Variants in MTOR observed in about 807,000 individuals in gnomAD.
MTOR encodes the protein mechanistic target of rapamycin kinase, also known as serine/threonine-protein kinase mTOR.
A neutral mutation model predicts 319.8 loss-of-function variants in MTOR; 70 were observed. The ratio of observed to expected loss-of-function variants is 0.22; its 90% CI spans 0.18 to 0.27. The LOEUF (loss-of-function observed/expected upper bound fraction) is 0.27. Among genes scored for constraint, MTOR ranks in the 10% least tolerant of loss-of-function variants. The pLI, the probability that MTOR is intolerant of heterozygous loss-of-function variation, is 1.00. For synonymous variants in MTOR, 1,183 were observed against 1,211.4 expected (o/e 0.98, Z 0.49); for missense variants, 1,890 against 3,274.4 (o/e 0.58, Z 10.32).
chr1:11,183,799 A>C (rs1645231186), intron 28 of MTOR, among the ~76,000 whole-genome samples: 1 of 152,094 alleles, frequency 6.6e-6, no homozygotes, highest in South Asian at 2.1e-4. Flanking sequence ...CTTTTCTTTC[A>C]GAAAAAGGAT....
chr1:11,160,446 T>C (rs1644444028), intron 29 of MTOR, among the ~76,000 whole-genome samples: 1 of 152,144 alleles, frequency 6.6e-6, no homozygotes, highest in African/African-American at 2.4e-5. Flanking sequence ...TCTTCCTAAG[T>C]ATCTAATGAG....
At position 11,248,111 on chromosome 1, in the gene MTOR, G is replaced by A. The variant is rs1557483424; in HGVS notation, c.841-17C>T. 3 of 1,555,824 alleles carry A rather than the reference G, an allele frequency of 1.9e-6. No homozygotes were observed. Among genetic ancestry groups the A allele is most frequent in the Non-Finnish European group, 2.6e-6 (3 of 1,148,854 alleles). On this transcript the variant is annotated splice_polypyrimidine_tract_variant and intron_variant, in intron 6 of 57. Transcript: ENST00000361445. ...TCTCAGACGCTATATATATGAGGAG[G>A]AAAAAAATCATCTTTACTTATGACT...
intron 19 of MTOR, among the ~76,000 whole-genome samples, chr1:11,221,147 A>C (rs867141515): frequency 6.6e-6 from 1 of 152,014 alleles, no homozygotes; most frequent in Middle Eastern, 3.4e-3. Context: ...GGCATGCACC[A>C]CCATGCCCGG....
chr1:11,150,638 A>G (rs1571001050), intron 30 of MTOR, among the ~76,000 whole-genome samples: 1 of 152,238 alleles, frequency 6.6e-6, no homozygotes, highest in East Asian at 1.9e-4. Context: ...GGCTCCTAAA[A>G]GTATTATACC....
At chr1:11,221,561 T>C (rs1425259142) in intron 19 of MTOR, among the ~76,000 whole-genome samples, 1 of 151,652 alleles carries the variant, frequency 6.6e-6, no homozygotes. Flanking sequence ...TGAAATATAC[T>C]TGATACGCTT....
intron 45 of MTOR, 39 bp downstream of exon 45, chr1:11,126,971 T>C (rs1642868907): frequency 2.5e-6 from 4 of 1,611,832 alleles, no homozygotes; most frequent in Non-Finnish European, 3.4e-6. Context: ...GAAAGGACTA[T>C]AATGACAGTT....
chr1:11,248,133 G>T, intron 6 of MTOR, 39 bp from the exon 7 acceptor site: 1 of 1,538,938 alleles, frequency 6.5e-7, no homozygotes, highest in South Asian at 1.2e-5. Flanking sequence ...CTTTACTTAT[G>T]ACTGGCATTC....
In MTOR at chr1:11,210,901, T is replaced by G. The variant is rs754854630; in HGVS notation, c.3567A>C (p.Gln1189His). The G allele has an allele frequency of 1.2e-6, 2 of 1,611,280 alleles. No individual in the cohort carries two copies. The highest frequency in any genetic ancestry group is 3.3e-5 in the Admixed American group (2 of 59,894). ...CTTTATTCACCATTGGAATGAAAAT[T>G]TGGTACTAAAACAGGAGGGGGAAGA... ...SLVFQLGKKY[Q>H]IFIPMVNKVL... The change falls in exon 24 of 58, where the codon CAA becomes CAC. Residue 1189 changes from glutamine (Q) to histidine (H), a missense_variant. Physicochemically the swap from Gln to His is conservative, Grantham distance 24 (BLOSUM62 0). Transcript: ENST00000361445.
chr1:11,132,276 T>C (rs1643198227), intron 38 of MTOR: 1 of 152,252 alleles, frequency 6.6e-6, no homozygotes, highest in African/African-American at 2.4e-5. Flanking sequence ...ATTTTCCAGC[T>C]TTGGACATGC....
At chr1:11,112,828 G>A (rs774035796) in intron 54 of MTOR, 24 bp downstream of exon 54, 2 of 1,613,618 alleles carry the variant, frequency 1.2e-6, no homozygotes, top group South Asian at 2.2e-5. Flanking sequence ...GAGAGCCTTT[G>A]CGACCTCCCG....
intron 14 of MTOR, among the ~76,000 whole-genome samples, chr1:11,233,699 T>A (rs1353677401): frequency 6.6e-6 from 1 of 152,234 alleles, no homozygotes; most frequent in African/African-American, 2.4e-5. Flanking sequence ...GGAAGCACCA[T>A]AATGTGAAAG....
chr1:11,139,188 T>C, intron 36 of MTOR, 116 bp downstream of exon 36: 1 of 1,367,270 alleles, frequency 7.3e-7, no homozygotes. Context: ...CTCCCTGACA[T>C]TGTGAGTAGG....
Position 11,126,773 on chromosome 1 carries a change from A to G in MTOR, c.6375T>C (p.Tyr2125=). The G allele has an allele frequency of 6.2e-7, 1 of 1,614,166 alleles. No individual in the cohort carries two copies. The highest frequency in any genetic ancestry group is 8.5e-7 in the Non-Finnish European group (1 of 1,180,018). The part of the protein sequence containing the change: ...LPQLTSLELQ[Y]VSPKLLMCRD... ...GGCACATCAGAAGTTTTGGGGAAAC[A>G]TATTGCAGCTCTAAGGATGTGAGCT... The change falls in exon 46 of 58, where the codon TAT becomes TAC. Residue 2125 remains tyrosine (Y), a synonymous_variant. Transcript: ENST00000361445.
chr1:11,125,561 T>C (rs1024356294), intron 46 of MTOR, among the ~76,000 whole-genome samples: 1 of 143,124 alleles, frequency 7.0e-6, no homozygotes, highest in African/African-American at 2.6e-5. Context: ...TGAAATCCCA[T>C]CTCTACTAAA....
At chr1:11,113,694 C>A (rs944852585) in intron 53 of MTOR, among the ~76,000 whole-genome samples, 6 of 152,028 alleles carry the variant, frequency 3.9e-5, no homozygotes, top group African/African-American at 1.4e-4. Flanking sequence ...GCTCACTGTG[C>A]CTCAACCTCC....
chr1:11,231,041 A>G lies in MTOR; in HGVS notation c.2663T>C (p.Leu888Ser), dbSNP rs754852958. Residue 888 changes from leucine to serine, a missense_variant, in exon 18 of 58, where the codon TTA becomes TCA. Leu to Ser is a moderately radical substitution (Grantham distance 145, BLOSUM62 -2). Around this residue, in one of 15 missense-constraint regions of MTOR, gnomAD observed 377 missense variants for 653.9 expected, o/e 0.58. Transcript: ENST00000361445. ...AGGATCCAAAGCCCCTAAAAGCCCT[A>G]ACACACGGATGGCCTGCGTGGGAAA... ...QGTRREAIRVLGLLGALDPYK... is the reference protein window; with the variant it reads ...QGTRREAIRVSGLLGALDPYK... 6.2e-7 allele frequency: 1 copy of G among 1,614,218 alleles called. No homozygotes were observed.
chr1:11,242,500 CAAAAAAAAAA>C (rs70977555), intron 9 of MTOR, among the ~76,000 whole-genome samples: 4 of 52,632 alleles, frequency 7.6e-5, no homozygotes, highest in East Asian at 6.7e-4. Flanking sequence ...GACTCCATCT[CAAAAAAAAAA>C]AAAAAAAAAA....
rs549786102 is a variant in MTOR at position 11,201,573 on chromosome 1, C to G, written c.3945-1870G>C. On this transcript the variant is annotated intron_variant, in intron 26 of 57. Transcript: ENST00000361445. ...GAAGGGCTGCTTATTAATTAAATCA[C>G]CATTTTATGCCTCATTATAAATAAT... Among the ~76,000 whole-genome samples, 143 of 152,088 alleles carry G rather than the reference C, an allele frequency of 9.4e-4. 1 individual carries two copies. The highest frequency in any genetic ancestry group is 3.4e-3 in the African/African-American group (139 of 41,446).
chr1:11,169,670 T>A (rs548037102), intron 28 of MTOR, among the ~76,000 whole-genome samples: 2 of 152,272 alleles, frequency 1.3e-5, no homozygotes, highest in Non-Finnish European at 2.9e-5. Context: ...AGCTGTGTGA[T>A]CATAAATAAG....
Sources: gnomAD v4.1 joint callset for allele counts (sites outside exome capture counted in the v4.1 genomes callset) on GRCh38, gnomAD v4.1.1 for gene constraint, gnomAD v4.1.1 regional missense constraint, MANE v1.5 for transcripts, NCBI Gene and HGNC (gene_info 2026-07-23, HGNC 2026-07-21) for gene names.